The following GCA variants were observed in gnomAD, a reference collection of about 807,000 sequenced individuals.
The protein encoded by GCA is grancalcin, EF-hand calcium-binding protein.
A neutral mutation model predicts 32.6 loss-of-function variants in GCA; 30 were observed. The observed-to-expected ratio is 0.92, with a 90% confidence interval of 0.69 to 1.25. The LOEUF (loss-of-function observed/expected upper bound fraction) is 1.25. Ranked by LOEUF, GCA falls within the 50% of genes most tolerant of loss-of-function variation. The pLI is 0.00. For missense variants in GCA, 291 were observed against 266.8 expected, an observed-to-expected ratio of 1.09 and a Z score of -0.63; for synonymous variants, 102 against 84.6, an observed-to-expected ratio of 1.21 and a Z score of -1.13.
chr2:162,336,438 TA>T (rs990116717), intron 1 of GCA, among the ~76,000 whole-genome samples: 5 of 152,218 alleles, frequency 3.3e-5, no homozygotes, highest in African/African-American at 7.2e-5. Flanking sequence ...CTTTTCATTT[TA>T]TTTTTTTGAT....
intron 2 of GCA, among the ~76,000 whole-genome samples, chr2:162,351,043 G>T (rs1180668293): frequency 6.6e-6 from 1 of 151,970 alleles, no homozygotes; most frequent in Non-Finnish European, 1.5e-5. Flanking sequence ...AATTAATAAT[G>T]CTCTATGAAA....
chr2:162,344,915 C>G (rs1025953613), intron 1 of GCA, among the ~76,000 whole-genome samples: 2 of 152,162 alleles, frequency 1.3e-5, no homozygotes, highest in African/African-American at 2.4e-5. Flanking sequence ...GTGATCTACA[C>G]GCTGTGTTAA....
At chr2:162,329,266 G>T (rs1027563458) in intron 1 of GCA, among the ~76,000 whole-genome samples, 7 of 151,986 alleles carry the variant, frequency 4.6e-5, no homozygotes, top group Admixed American at 6.5e-5. Flanking sequence ...CATTTAAAGG[G>T]ACCAGATTCT....
Position 162,347,190 on chromosome 2 carries a change from A to G in GCA, c.28-388A>G, listed in dbSNP as rs115592533. ...TTAAAGTTTCATTGTATTTACACAT[A>G]TATTCTTCTAAGTATGTGTCTTGAG... On this transcript the variant is annotated intron_variant, in intron 1 of 7. Transcript: ENST00000437150. 1.2e-3 allele frequency among the ~76,000 whole-genome samples: 188 copies of G among 152,320 alleles called. 1 individual carries two copies. The highest frequency in any genetic ancestry group is 4.4e-3 in the African/African-American group (183 of 41,574).
At chr2:162,356,299 C>G in intron 3 of GCA, 139 bp from the exon 4 acceptor site, 1 of 629,548 alleles carries the variant, frequency 1.6e-6, no homozygotes, top group East Asian at 2.6e-5. Context: ...GCTTAACATT[C>G]AATAATAGCT....
chr2:162,324,739 A>G (rs6749112), intron 1 of GCA, among the ~76,000 whole-genome samples: 12,967 of 152,204 alleles, frequency 0.085, 1,316 homozygotes, highest in Admixed American at 0.23. Context: ...CCCTTTCTGT[A>G]TCATTTACAG....
intron 1 of GCA, among the ~76,000 whole-genome samples, chr2:162,329,405 C>T (rs1188885720): frequency 6.6e-6 from 1 of 152,014 alleles, no homozygotes; most frequent in Non-Finnish European, 1.5e-5. Flanking sequence ...TGCTAAATCA[C>T]GAAGGGTTAA....
intron 1 of GCA, among the ~76,000 whole-genome samples, chr2:162,337,522 G>A (rs1383770905): frequency 2.6e-5 from 4 of 152,052 alleles, no homozygotes; most frequent in African/African-American, 9.7e-5. Context: ...CTTTTTTCTG[G>A]TGGAAGTGGC....
intron 2 of GCA, among the ~76,000 whole-genome samples, chr2:162,349,488 A>G (rs1412532115): frequency 6.6e-6 from 1 of 152,174 alleles, no homozygotes; most frequent in East Asian, 1.9e-4. Context: ...GTGTTAATGA[A>G]ACATTTGGGA....
Position 162,361,575 on chromosome 2 carries a change from T to C in GCA, c.*1332T>C. 1 of 982,256 alleles carries C rather than the reference T, an allele frequency of 1.0e-6. No individual in the cohort carries two copies. Among genetic ancestry groups the C allele is most frequent in the Non-Finnish European group, 1.2e-6 (1 of 827,258 alleles). 60.8% of individuals were successfully genotyped at this position (982,256 alleles called of 1,614,324 possible). A position where few individuals can be genotyped will look rare whatever the true frequency, so the allele number is the denominator to read the frequency against. Reference sequence around the variant, plus strand: ...CAAAATCTTTTATAAACTTACAGAATTTTAAATCAGCCTTCACTTAAAAAA... The same window carrying C: ...CAAAATCTTTTATAAACTTACAGAACTTTAAATCAGCCTTCACTTAAAAAA... On this transcript the variant is annotated 3_prime_UTR_variant, in exon 8 of 8. Transcript: ENST00000437150.
At position 162,361,029 on chromosome 2, in the gene GCA, G is replaced by A. The variant is rs1336932073; in HGVS notation, c.*786G>A. On this transcript the variant is annotated 3_prime_UTR_variant, in exon 8 of 8. Transcript: ENST00000437150. The stretch of plus-strand genomic sequence containing the variant: ...AAATGGCATATGTTTTTGATGATAT[G>A]TCAACATTCAAAATTGTCCTAATTA... 8 of 1,004,814 alleles carry A rather than the reference G, an allele frequency of 8.0e-6. No individual in the cohort carries two copies. In the South Asian group the frequency reaches 1.4e-4, roughly 18 times the overall value. 62.2% of individuals were successfully genotyped at this position (1,004,814 alleles called of 1,614,324 possible).
chr2:162,370,857 A>G (rs1242300400), intron 4 of GCA, among the ~76,000 whole-genome samples: 9 of 152,138 alleles, frequency 5.9e-5, no homozygotes, highest in African/African-American at 2.2e-4. Flanking sequence ...TTGACCTCCC[A>G]AGCTCAACCC....
chr2:162,344,205 G>A lies in GCA; in HGVS notation c.-44G>A, dbSNP rs534733381. Reference sequence around the variant, plus strand: ...CTGTGCTTTTTCTCCCAGCACTGCGGACGCGACTCGAGGGTGACGCTCGCT... The same window carrying A: ...CTGTGCTTTTTCTCCCAGCACTGCGAACGCGACTCGAGGGTGACGCTCGCT... On this transcript the variant is annotated 5_prime_UTR_variant, in exon 1 of 8. Transcript: ENST00000437150. 6 of 1,612,848 alleles carry A rather than the reference G, an allele frequency of 3.7e-6. No individual in the cohort carries two copies. The highest frequency in any genetic ancestry group is 4.5e-5 in the East Asian group (2 of 44,852).
intron 1 of GCA, among the ~76,000 whole-genome samples, chr2:162,321,869 G>GTGCATGGTTCCATATGAACTTTAAAGT (rs1558881432): frequency 4.3e-5 from 4 of 93,084 alleles, no homozygotes; most frequent in African/African-American, 1.6e-4. Context: ...ATTTATAAAG[G>GTGCATGGTTCCATATGAACTTTAAAGT]AAAAATTTAG....
chr2:162,333,385 T>C (rs1396269791), intron 1 of GCA, among the ~76,000 whole-genome samples: 2 of 152,064 alleles, frequency 1.3e-5, no homozygotes, highest in African/African-American at 4.8e-5. Context: ...AATAATTAAC[T>C]TTTTTTCCCT....
At chr2:162,352,438 T>C (rs754237908) in intron 3 of GCA, 31 bp downstream of exon 3, 1 of 1,255,536 alleles carries the variant, frequency 8.0e-7, no homozygotes, top group East Asian at 2.3e-5. Context: ...TTGTTGAAAT[T>C]ATAATAGGAA....
intron 1 of GCA, among the ~76,000 whole-genome samples, chr2:162,323,712 T>C (rs963750664): frequency 1.3e-5 from 2 of 151,858 alleles, no homozygotes; most frequent in African/African-American, 4.9e-5. Flanking sequence ...AAAGATCAGA[T>C]AGTTGTAGAT....
At chr2:162,325,993 A>AGGG (rs1281493195) in intron 1 of GCA, among the ~76,000 whole-genome samples, 1 of 152,014 alleles carries the variant, frequency 6.6e-6, no homozygotes, top group African/African-American at 2.4e-5. Context: ...GATTTCTAGG[A>AGGG]GGGGGCAAGT....
At chr2:162,358,072 G>A (rs1454669796) in intron 5 of GCA, among the ~76,000 whole-genome samples, 1 of 151,296 alleles carries the variant, frequency 6.6e-6, no homozygotes, top group Non-Finnish European at 1.5e-5. Flanking sequence ...TATTATAGCT[G>A]CATGTATAAT....
Sources: gnomAD v4.1 joint callset for allele counts (sites outside exome capture counted in the v4.1 genomes callset) on GRCh38, gnomAD v4.1.1 for gene constraint, MANE v1.5 for transcripts, NCBI Gene and HGNC (gene_info 2026-07-23, HGNC 2026-07-21) for gene names.